The following SYN2 variants were observed in gnomAD, a reference collection of about 807,000 sequenced individuals.
SYN2 encodes synapsin II.
Under a neutral mutation model 50.9 loss-of-function variants are expected in SYN2, and 19 were observed. The observed-to-expected ratio is 0.37, with a 90% CI of 0.26 to 0.55. The LOEUF (loss-of-function observed/expected upper bound fraction) is 0.55. Ranked by LOEUF, SYN2 falls within the 20% of genes least tolerant of loss-of-function variation. SYN2 has a pLI of 0.81. For synonymous variants in SYN2, 255 were observed against 224.9 expected, an observed-to-expected ratio of 1.13 and a Z score of -1.20; for missense variants, 587 against 576.4, an observed-to-expected ratio of 1.02 and a Z score of -0.19.
At position 12,038,377 on chromosome 3, in the gene SYN2, T is replaced by TA. The variant is rs550261284; in HGVS notation, c.377+33458dup. On this transcript the variant is annotated intron_variant, in intron 1 of 12. Transcript: ENST00000621198. ...TGAGTCATCTAACTTTGTTGTTTTT[T>TA]AAAAAAAAACTTTTTTTTGGCTATA... Among the ~76,000 whole-genome samples the TA allele has an allele frequency of 3.7e-3, 566 of 152,242 alleles. 7 individuals carry two copies. The highest frequency in any genetic ancestry group is 0.013 in the African/African-American group (543 of 41,522).
At chr3:12,115,209 G>A (rs1283945431) in intron 1 of SYN2, among the ~76,000 whole-genome samples, 4 of 152,210 alleles carry the variant, frequency 2.6e-5, no homozygotes, top group Non-Finnish European at 5.9e-5. Flanking sequence ...ATAAATGGTA[G>A]AAACAGAGTT....
chr3:12,158,818 G>A lies in SYN2; in HGVS notation c.775-2728G>A, dbSNP rs756570748. 54 of 1,595,556 alleles carry A rather than the reference G, an allele frequency of 3.4e-5. No homozygotes were observed. Among genetic ancestry groups the A allele is most frequent in the South Asian group, 3.3e-4 (30 of 89,834 alleles). Reference sequence around the variant, plus strand: ...CCGCAGCAACAGCACCCAGCTTGGCGCGGGCCGAGGGCTCCCAGGCATGAC... The same window carrying A: ...CCGCAGCAACAGCACCCAGCTTGGCACGGGCCGAGGGCTCCCAGGCATGAC... On this transcript the variant is annotated intron_variant, in intron 5 of 12. Coordinates refer to ENST00000621198, the MANE Select transcript of SYN2 (RefSeq NM_133625.6).
At chr3:12,049,231 A>G (rs796527032) in intron 1 of SYN2, among the ~76,000 whole-genome samples, 69 of 152,232 alleles carry the variant, frequency 4.5e-4, no homozygotes, top group African/African-American at 1.5e-3. Flanking sequence ...TAGGAAGAAC[A>G]TTAGAGCCCT....
At chr3:12,056,904 C>T (rs769694451) in intron 1 of SYN2, among the ~76,000 whole-genome samples, 48 of 152,274 alleles carry the variant, frequency 3.2e-4, no homozygotes, top group Non-Finnish European at 6.9e-4. Context: ...TGTATATTCT[C>T]ACCCTCTCAA....
rs757187165 is a variant in SYN2, at chr3:12,004,671, C to G, written c.120C>G (p.Pro40=). ...AGCAGCCGCCGCCGCCGCCGCCCCC[C>G]GGTCCGGGCGCCGCCTCGGCCTCGG... ...EPQQPPPPPP[P]GPGAASASAA... The change falls in exon 1 of 13, where the codon CCC becomes CCG. Residue 40 remains proline (P), a synonymous_variant. Coordinates refer to ENST00000621198, the MANE Select transcript of SYN2 (RefSeq NM_133625.6). The G allele has an allele frequency of 5.8e-5, 17 of 292,834 alleles. No individual in the cohort carries two copies. In the South Asian group the frequency reaches 1.7e-3, roughly 30 times the overall value. 18.1% of individuals were successfully genotyped at this position (292,834 alleles called of 1,614,324 possible).
intron 1 of SYN2, among the ~76,000 whole-genome samples, chr3:12,065,028 C>G (rs1462303879): frequency 6.6e-6 from 1 of 152,138 alleles, no homozygotes; most frequent in African/African-American, 2.4e-5. Flanking sequence ...GAATGTCGTT[C>G]AGCAGTAAAA....
intron 1 of SYN2, among the ~76,000 whole-genome samples, chr3:12,085,135 A>C (rs916860033): frequency 2.0e-5 from 3 of 151,694 alleles, no homozygotes; most frequent in African/African-American, 4.8e-5. Context: ...TATGTTGCCT[A>C]CAAGAGACTC....
Position 12,145,870 on chromosome 3 carries a change from A to C in SYN2, c.684+35A>C, listed in dbSNP as rs374483536. On this transcript the variant is annotated intron_variant, in intron 4 of 12. Coordinates refer to ENST00000621198, the MANE Select transcript of SYN2 (RefSeq NM_133625.6). Reference sequence around the variant, plus strand: ...GCCCCCTTCCCCCAAGTAAAAGGGTAGGATTCAGGCCCTACATCTCCCAGG... The same window carrying C: ...GCCCCCTTCCCCCAAGTAAAAGGGTCGGATTCAGGCCCTACATCTCCCAGG... 22 of 1,611,670 alleles carry C rather than the reference A, an allele frequency of 1.4e-5. No homozygotes were observed. In the South Asian group the frequency reaches 2.3e-4, roughly 17 times the overall value.
At chr3:12,157,117 A>C (rs2279750) in intron 5 of SYN2, among the ~76,000 whole-genome samples, 12,227 of 152,196 alleles carry the variant, frequency 0.08, 866 homozygotes, top group East Asian at 0.19. Flanking sequence ...ACAACAAAAA[A>C]CACCTAAACC....
chr3:12,154,256 A>AT (rs1697387633), intron 5 of SYN2: 3 of 1,603,292 alleles, frequency 1.9e-6, no homozygotes, highest in Admixed American at 3.4e-5. Flanking sequence ...AAGTGAATAA[A>AT]TTCATGCATG....
Position 12,147,911 on chromosome 3 carries a change from A to T in SYN2, c.684+2076A>T, listed in dbSNP as rs1039186635. Among the ~76,000 whole-genome samples the T allele has an allele frequency of 1.6e-4, 25 of 152,052 alleles. No individual in the cohort carries two copies. The South Asian group carries it at 3.1e-3, about 19-fold the overall frequency. The stretch of plus-strand genomic sequence containing the variant: ...GGCACATCACGAGGTCAGGAGATCA[A>T]GACCATCCTAACTAACACAGAGAAA... On this transcript the variant is annotated intron_variant, in intron 4 of 12. Transcript: ENST00000621198.
chr3:12,070,343 A>G, intron 1 of SYN2: 1 of 507,744 alleles, frequency 2.0e-6, no homozygotes, highest in Non-Finnish European at 3.9e-6. Context: ...CGCCCCTGGC[A>G]CCAGGGCACG....
At chr3:12,177,512 C>G (rs1698107051) in intron 10 of SYN2, among the ~76,000 whole-genome samples, 1 of 152,088 alleles carries the variant, frequency 6.6e-6, no homozygotes, top group Admixed American at 6.5e-5. Context: ...AAAGGGCTGT[C>G]CAGTTAGGGA....
intron 1 of SYN2, among the ~76,000 whole-genome samples, chr3:12,060,567 A>C (rs979684432): frequency 2.0e-5 from 3 of 152,138 alleles, no homozygotes; most frequent in African/African-American, 7.2e-5. Flanking sequence ...TCTTACCACC[A>C]CACCAACAGG....
Position 12,005,169 on chromosome 3 carries a change from A to G in SYN2, c.377+241A>G, listed in dbSNP as rs1034340392. On this transcript the variant is annotated intron_variant, in intron 1 of 12. Transcript: ENST00000621198. ...ACCCCTCAATTGCCCCAGGTCCCCC[A>G]GGTCCCATACAAGAAGGAGCTACTT... 3.3e-5 allele frequency among the ~76,000 whole-genome samples: 5 copies of G among 152,168 alleles called. No homozygotes were observed. In the South Asian group the frequency reaches 8.3e-4, roughly 25 times the overall value.
At chr3:12,050,829 G>A (rs569434745) in intron 1 of SYN2, among the ~76,000 whole-genome samples, 2 of 135,762 alleles carry the variant, frequency 1.5e-5, no homozygotes, top group Admixed American at 8.5e-5. Context: ...TCCGCTTCCC[G>A]GGTTCACGCC....
Position 12,145,673 on chromosome 3 carries a change from C to G in SYN2, c.528-6C>G, listed in dbSNP as rs1252150876. On this transcript the variant is annotated splice_region_variant and splice_polypyrimidine_tract_variant and intron_variant, in intron 3 of 12. Transcript: ENST00000621198. ...AATGGCAAACCTGCCTCTACCTTCT[C>G]ACCAGGTCCTTCCGGCCAGACTTCG... 1 of 1,613,580 alleles carries G rather than the reference C, an allele frequency of 6.2e-7. No individual in the cohort carries two copies. Among genetic ancestry groups the G allele is most frequent in the Non-Finnish European group, 8.5e-7 (1 of 1,179,698 alleles).
At chr3:12,074,724 A>C (rs1181939736) in intron 1 of SYN2, among the ~76,000 whole-genome samples, 1 of 152,078 alleles carries the variant, frequency 6.6e-6, no homozygotes. Flanking sequence ...AGTTGATTGG[A>C]CCAGGGGTAG....
chr3:12,057,287 C>CTGTGTGTGTG (rs59286785), intron 1 of SYN2, among the ~76,000 whole-genome samples: 6,801 of 133,826 alleles, frequency 0.051, 573 homozygotes, highest in African/African-American at 0.17. Flanking sequence ...GCAAGACTGT[C>CTGTGTGTGTG]TGTGTGTGTG....
Sources: allele counts gnomAD v4.1 joint callset (sites outside exome capture counted in the v4.1 genomes callset), GRCh38; gene constraint gnomAD v4.1.1; transcripts MANE v1.5; gene names NCBI Gene and HGNC (gene_info 2026-07-23, HGNC 2026-07-21).